ZNF423: variants seen among roughly 807,000 people sequenced by gnomAD.
ZNF423 encodes Ebf-associated zinc finger protein.
Under a neutral mutation model 95.8 loss-of-function variants are expected in ZNF423, and 12 were observed. The observed-to-expected ratio is 0.13, with a 90% CI of 0.08 to 0.20. The LOEUF (loss-of-function observed/expected upper bound fraction) is 0.20, where lower values mean the gene tolerates loss of function less well. ZNF423 is among the 10% of genes least tolerant of loss of function. ZNF423 has a pLI of 1.00. For missense variants in ZNF423, 1,316 were observed against 1,737.1 expected (o/e 0.76, Z 4.31); for synonymous variants, 749 against 711.9 (o/e 1.05, Z -0.83).
intron 3 of ZNF423, among the ~76,000 whole-genome samples, chr16:49,718,411 T>C (rs1410264746): frequency 6.6e-6 from 1 of 152,004 alleles, no homozygotes; most frequent in Admixed American, 6.5e-5. Flanking sequence ...GTCTCAAAAA[T>C]AAAAGATCTG....
intron 3 of ZNF423, among the ~76,000 whole-genome samples, chr16:49,713,438 G>A (rs1044582869): frequency 2.0e-5 from 3 of 152,114 alleles, no homozygotes; most frequent in African/African-American, 7.2e-5. Context: ...AGTGGGGGAG[G>A]AGACAGATTT....
intron 3 of ZNF423, among the ~76,000 whole-genome samples, chr16:49,667,009 G>A: frequency 6.6e-6 from 1 of 152,162 alleles, no homozygotes. Flanking sequence ...CCTTCCCATG[G>A]CCTGTAAACT....
At chr16:49,725,970 CA>C (rs1385348188) in intron 3 of ZNF423, among the ~76,000 whole-genome samples, 2 of 152,206 alleles carry the variant, frequency 1.3e-5, no homozygotes, top group African/African-American at 4.8e-5. Flanking sequence ...ATTTCTATTC[CA>C]AGGCAAGTGC....
intron 5 of ZNF423, among the ~76,000 whole-genome samples, chr16:49,604,498 C>A (rs1299612889): frequency 6.6e-6 from 1 of 152,186 alleles, no homozygotes; most frequent in Non-Finnish European, 1.5e-5. Flanking sequence ...AACCAGTGAT[C>A]TAGTGGCCTC....
intron 1 of ZNF423, among the ~76,000 whole-genome samples, chr16:49,825,305 G>A (rs2034993529): frequency 1.3e-5 from 2 of 152,140 alleles, no homozygotes; most frequent in Admixed American, 1.3e-4. Context: ...AGAACTCTGG[G>A]TAGGTTTTGT....
intron 3 of ZNF423, among the ~76,000 whole-genome samples, chr16:49,706,135 G>A (rs1474470246): frequency 6.6e-6 from 1 of 152,104 alleles, no homozygotes; most frequent in Non-Finnish European, 1.5e-5. Flanking sequence ...GGAAAATAGG[G>A]CCAGACATGA....
intron 1 of ZNF423, among the ~76,000 whole-genome samples, chr16:49,834,050 GAC>G (rs1180134476): frequency 6.6e-6 from 1 of 152,220 alleles, no homozygotes; most frequent in Non-Finnish European, 1.5e-5. Flanking sequence ...ACCCGAGCAG[GAC>G]AGAGTGAAGA....
At position 49,528,258 on chromosome 16, in the gene ZNF423, G is replaced by A. The variant is rs112669966; in HGVS notation, c.3602-2764C>T. On this transcript the variant is annotated intron_variant, in intron 5 of 7. Transcript: ENST00000563137. ...AAATCATGTCTGACAGTCACTTTCCGTTCTCCGAGTGCCGAGCAATTCATC... is the reference window on the plus strand; with the variant it reads ...AAATCATGTCTGACAGTCACTTTCCATTCTCCGAGTGCCGAGCAATTCATC... 8.8e-4 allele frequency among the ~76,000 whole-genome samples: 134 copies of A among 151,864 alleles called. 1 individual carries two copies. The South Asian group carries it at 0.01, about 12-fold the overall frequency.
At chr16:49,738,327 AG>A (rs200752879) in intron 2 of ZNF423, among the ~76,000 whole-genome samples, 1,531 of 152,286 alleles carry the variant, frequency 0.01, 22 homozygotes, top group African/African-American at 0.035. Context: ...CTAAGTAGTA[AG>A]GGGCCGGCAT....
chr16:49,570,136 G>T (rs980413952), intron 5 of ZNF423, among the ~76,000 whole-genome samples: 2 of 152,198 alleles, frequency 1.3e-5, no homozygotes, highest in Non-Finnish European at 2.9e-5. Flanking sequence ...TGGCACACTC[G>T]TGAGATGCAT....
rs1490466814 is a variant in ZNF423 at position 49,677,143 on chromosome 16, G to A, written c.302-38269C>T. ...TGAGGCAGGAGAATCGCTGGAACCC[G>A]GGAGGCGAAGGCTGCAGTGAGTCAT... is the stretch of plus-strand genomic sequence containing the variant. On this transcript the variant is annotated intron_variant, in intron 3 of 7. Coordinates refer to ENST00000563137, the MANE Select transcript of ZNF423 (RefSeq NM_001379286.1). Among the ~76,000 whole-genome samples, 3 of 149,704 alleles carry A rather than the reference G, an allele frequency of 2.0e-5. No individual in the cohort carries two copies. The Admixed American group carries it at 2.0e-4, about 10-fold the overall frequency.
intron 3 of ZNF423, among the ~76,000 whole-genome samples, chr16:49,642,184 AC>A (rs777519349): frequency 2.0e-5 from 3 of 152,152 alleles, no homozygotes; most frequent in Non-Finnish European, 4.4e-5. Flanking sequence ...CCTCACAACA[AC>A]CATATCTGGC....
intron 3 of ZNF423, among the ~76,000 whole-genome samples, chr16:49,681,140 G>A (rs1445618189): frequency 2.0e-5 from 3 of 152,196 alleles, no homozygotes; most frequent in Non-Finnish European, 4.4e-5. Context: ...GGTGAACAAA[G>A]CAGAAAGCAC....
In ZNF423 at chr16:49,823,939, T is replaced by A. The variant is rs185459365; in HGVS notation, c.40+31796A>T. 1.9e-3 allele frequency among the ~76,000 whole-genome samples: 292 copies of A among 151,674 alleles called. 2 individuals are homozygous for A. Among genetic ancestry groups the A allele is most frequent in the African/African-American group, 6.8e-3 (281 of 41,364 alleles). ...AGTGAGACCTCTCTACAAAAAAAAA[T>A]AAAAATTTGGTACACACCTGTAGTC... On this transcript the variant is annotated intron_variant, in intron 1 of 7. Coordinates refer to ENST00000563137, the MANE Select transcript of ZNF423 (RefSeq NM_001379286.1).
intron 3 of ZNF423, among the ~76,000 whole-genome samples, chr16:49,641,480 A>C (rs1596774357): frequency 2.0e-5 from 3 of 152,158 alleles, no homozygotes; most frequent in Non-Finnish European, 4.4e-5. Context: ...GCTGGAACCC[A>C]CCCAGCAACT....
intron 5 of ZNF423, among the ~76,000 whole-genome samples, chr16:49,560,860 C>G (rs1567468633): frequency 6.6e-6 from 1 of 152,162 alleles, no homozygotes; most frequent in Non-Finnish European, 1.5e-5. Flanking sequence ...CCTTCTTCAC[C>G]TCTTCTTTTC....
At chr16:49,792,331 C>T (rs544279200) in intron 1 of ZNF423, among the ~76,000 whole-genome samples, 18 of 152,290 alleles carry the variant, frequency 1.2e-4, no homozygotes, top group Admixed American at 8.5e-4. Flanking sequence ...GATCTGGCCT[C>T]GGCCATAATG....
At chr16:49,836,619 C>T (rs1274366491) in intron 1 of ZNF423, among the ~76,000 whole-genome samples, 1 of 152,084 alleles carries the variant, frequency 6.6e-6, no homozygotes, top group African/African-American at 2.4e-5. Flanking sequence ...CACAGGATGG[C>T]GAACATAATG....
chr16:49,833,161 T>G (rs954510454), intron 1 of ZNF423, among the ~76,000 whole-genome samples: 6 of 151,718 alleles, frequency 4.0e-5, no homozygotes, highest in African/African-American at 1.2e-4. Flanking sequence ...CTTGGGGAGG[T>G]TTATCCGCTT....
Sources: allele counts gnomAD v4.1 joint callset (sites outside exome capture counted in the v4.1 genomes callset), GRCh38; gene constraint gnomAD v4.1.1; transcripts MANE v1.5; gene names NCBI Gene and HGNC (gene_info 2026-07-23, HGNC 2026-07-21).